The following KCNN3 variants were observed in gnomAD, a reference collection of about 807,000 sequenced individuals.
KCNN3 encodes potassium calcium-activated channel subfamily N member 3.
In KCNN3, 16 loss-of-function variants were observed where a neutral mutation model predicts 62.9. The observed-to-expected ratio is 0.25, with a 90% CI of 0.17 to 0.39. KCNN3 has a LOEUF of 0.39. Ranked by LOEUF, KCNN3 falls within the 10% of genes least tolerant of loss-of-function variation. The probability of loss-of-function intolerance (pLI) is 1.00; values close to 1 mark genes in which losing one functional copy is unlikely to be tolerated. For synonymous variants in KCNN3, 370 were observed against 389.2 expected, an observed-to-expected ratio of 0.95 and a Z score of 0.58; for missense variants, 599 against 949.4, an observed-to-expected ratio of 0.63 and a Z score of 4.85.
At chr1:154,742,831 G>C (rs1329350419) in intron 3 of KCNN3, among the ~76,000 whole-genome samples, 2 of 152,228 alleles carry the variant, frequency 1.3e-5, no homozygotes, top group African/African-American at 4.8e-5. Flanking sequence ...GCCTCTGCAG[G>C]AGCCTCTCAC....
chr1:154,814,949 A>G (rs769987648), intron 2 of KCNN3, among the ~76,000 whole-genome samples: 58 of 152,260 alleles, frequency 3.8e-4, no homozygotes, highest in Middle Eastern at 3.4e-3. Flanking sequence ...GTGTGCTGTG[A>G]TCATCCAGGG....
chr1:154,703,936 G>A lies in KCNN3; in HGVS notation c.*4040C>T, dbSNP rs1227965519. On this transcript the variant is annotated 3_prime_UTR_variant, in exon 8 of 8. Coordinates refer to ENST00000271915, the MANE Select transcript of KCNN3 (RefSeq NM_002249.6). ...TAAGTACAGAGAAATTGATGTATTA[G>A]GTGCTTATATGAATTGGCCAAAGAT... The A allele has an allele frequency of 2.0e-5, 3 of 152,146 alleles. No homozygotes were observed. Among genetic ancestry groups the A allele is most frequent in the Non-Finnish European group, 4.4e-5 (3 of 68,026 alleles). 9.4% of individuals were successfully genotyped at this position (152,146 alleles called of 1,614,324 possible). A position where few individuals can be genotyped will look rare whatever the true frequency, so the allele number is the denominator to read the frequency against.
At chr1:154,803,922 G>A (rs1335354788) in intron 2 of KCNN3, among the ~76,000 whole-genome samples, 4 of 152,190 alleles carry the variant, frequency 2.6e-5, no homozygotes, top group East Asian at 3.8e-4. Context: ...TACCACATGA[G>A]CATTCCCAGA....
chr1:154,714,669 G>A (rs1700196549), intron 6 of KCNN3, among the ~76,000 whole-genome samples: 2 of 140,210 alleles, frequency 1.4e-5, no homozygotes, highest in South Asian at 4.6e-4. Context: ...AGCTCTTAGA[G>A]GTTCTTACTC....
At chr1:154,734,396 G>A (rs1022630936) in intron 3 of KCNN3, among the ~76,000 whole-genome samples, 24 of 152,180 alleles carry the variant, frequency 1.6e-4, no homozygotes, top group African/African-American at 5.6e-4. Context: ...AGCCATTTAG[G>A]AACCTTAATC....
chr1:154,701,411 C>T lies in KCNN3; in HGVS notation c.*6565G>A, dbSNP rs1699849339. On this transcript the variant is annotated 3_prime_UTR_variant, in exon 8 of 8. Transcript: ENST00000271915. ...AAGAGGCTCACTGATTCTAGAAAATCTTTATTCTGTAACCGAACACATCCT... is the reference window on the plus strand; with the variant it reads ...AAGAGGCTCACTGATTCTAGAAAATTTTTATTCTGTAACCGAACACATCCT... The T allele has an allele frequency of 6.6e-6, 1 of 152,172 alleles. No individual in the cohort carries two copies. The highest frequency in any genetic ancestry group is 2.4e-5 in the African/African-American group (1 of 41,422). 9.4% of individuals were successfully genotyped at this position (152,172 alleles called of 1,614,324 possible).
chr1:154,781,869 A>C (rs989427817), intron 2 of KCNN3, among the ~76,000 whole-genome samples: 1 of 152,246 alleles, frequency 6.6e-6, no homozygotes, highest in African/African-American at 2.4e-5. Context: ...ACAGATATTA[A>C]ACAGGTAAAC....
intron 5 of KCNN3, among the ~76,000 whole-genome samples, chr1:154,717,361 C>T (rs1197018630): frequency 6.6e-6 from 1 of 152,226 alleles, no homozygotes; most frequent in East Asian, 1.9e-4. Flanking sequence ...AGCTCAAACC[C>T]CTCATTGAAC....
At chr1:154,819,678 C>T (rs1273932542) in intron 2 of KCNN3, among the ~76,000 whole-genome samples, 2 of 152,166 alleles carry the variant, frequency 1.3e-5, no homozygotes, top group African/African-American at 4.8e-5. Flanking sequence ...GGTGACTTTC[C>T]TCAAGTGACG....
intron 2 of KCNN3, among the ~76,000 whole-genome samples, chr1:154,813,208 CTTTTTTTTTTTTTTTT>C (rs57970335): frequency 1.1e-5 from 1 of 88,328 alleles, no homozygotes; most frequent in Non-Finnish European, 2.7e-5. Context: ...TGTTAGGCTG[CTTTTTTTTTTTTTTTT>C]TTTTTTTGAA....
chr1:154,714,071 TTGTGTGTGGTGTTTGTG>T (rs1700138349), intron 6 of KCNN3, among the ~76,000 whole-genome samples: 5 of 4,160 alleles, frequency 1.2e-3, no homozygotes, highest in Non-Finnish European at 8.3e-4. Context: ...TGTGTGGTGT[TTGTGTGTGGTGTTTGTG>T]TGTGGTGTGT....
intron 2 of KCNN3, among the ~76,000 whole-genome samples, chr1:154,811,456 T>C (rs1571299900): frequency 6.6e-6 from 1 of 152,372 alleles, no homozygotes. Context: ...ATGTATATTT[T>C]ACCACAAGTT....
intron 1 of KCNN3, among the ~76,000 whole-genome samples, chr1:154,823,239 G>C (rs957955687): frequency 1.3e-5 from 2 of 152,194 alleles, no homozygotes; most frequent in African/African-American, 4.8e-5. Flanking sequence ...TAGTTCCAAA[G>C]GAAGGCGGGA....
At position 154,868,612 on chromosome 1, in the gene KCNN3, C is replaced by T. The variant is rs140248791; in HGVS notation, c.933+420G>A. ...GCAGGAACTGGCAAACACATGAAGG[C>T]GGAGTGTAATTAATTGGTGCGTTAA... On this transcript the variant is annotated intron_variant, in intron 1 of 7. Transcript: ENST00000271915. Among the ~76,000 whole-genome samples the T allele has an allele frequency of 7.2e-4, 109 of 150,948 alleles. 1 individual carries two copies. The highest frequency in any genetic ancestry group is 3.5e-3 in the Middle Eastern group (1 of 288).
chr1:154,858,355 C>T (rs1462067457), intron 1 of KCNN3, among the ~76,000 whole-genome samples: 5 of 152,304 alleles, frequency 3.3e-5, no homozygotes, highest in South Asian at 4.1e-4. Flanking sequence ...CTCTGGCCCA[C>T]GTTGAATTCT....
At chr1:154,764,432 G>C (rs1648166128) in intron 3 of KCNN3, among the ~76,000 whole-genome samples, 1 of 152,156 alleles carries the variant, frequency 6.6e-6, no homozygotes, top group Non-Finnish European at 1.5e-5. Flanking sequence ...CTCATATACA[G>C]AATGCAGATA....
At chr1:154,711,023 G>A (rs1192982286) in intron 7 of KCNN3, among the ~76,000 whole-genome samples, 3 of 152,104 alleles carry the variant, frequency 2.0e-5, no homozygotes, top group African/African-American at 7.2e-5. Flanking sequence ...AAATCATGCT[G>A]CTGTAAAGAC....
rs1484799382 is a variant in KCNN3, at chr1:154,744,370, G to A, written c.1449-11226C>T. Among the ~76,000 whole-genome samples, 3 of 152,216 alleles carry A rather than the reference G, an allele frequency of 2.0e-5. No homozygotes were observed. The South Asian group carries it at 6.2e-4, about 32-fold the overall frequency. The stretch of plus-strand genomic sequence containing the variant: ...TAACTGACCTAACTAACTTCTCACA[G>A]CAACTAAGCGAAAAGACTGGGACTG... On this transcript the variant is annotated intron_variant, in intron 3 of 7. Transcript: ENST00000271915.
intron 1 of KCNN3, chr1:154,859,782 G>C: frequency 6.2e-7 from 1 of 1,614,060 alleles, no homozygotes; most frequent in Non-Finnish European, 8.5e-7. Context: ...GTATCAGCAA[G>C]CTCTAAGGAG....
Sources: allele counts gnomAD v4.1 joint callset (sites outside exome capture counted in the v4.1 genomes callset), GRCh38; gene constraint gnomAD v4.1.1; transcripts MANE v1.5; gene names NCBI Gene and HGNC (gene_info 2026-07-23, HGNC 2026-07-21).